Variants in PXT1 observed in about 807,000 individuals in gnomAD.
PXT1 encodes the protein peroxisomal testis enriched protein 1, also known as peroxisomal testis-specific protein 1.
Under a neutral mutation model 11.0 loss-of-function variants are expected in PXT1, and 11 were observed. That is an observed-to-expected ratio of 1.00 (90% CI 0.63 to 1.66). The LOEUF (loss-of-function observed/expected upper bound fraction) is 1.66. PXT1 is among the 40% of genes most tolerant of loss of function. The pLI is 0.00. For synonymous variants in PXT1, 43 were observed against 51.4 expected (o/e 0.84, Z 0.70); for missense variants, 141 against 155.5 (o/e 0.91, Z 0.49).
intron 2 of PXT1, among the ~76,000 whole-genome samples, chr6:36,436,966 TAC>T (rs1774773389): frequency 6.6e-6 from 1 of 152,150 alleles, no homozygotes; most frequent in Non-Finnish European, 1.5e-5. Flanking sequence ...GGTGCAATTG[TAC>T]AGTTACATTA....
rs546925776 is a variant in PXT1, at chr6:36,429,641, G to T, written c.-9-3550C>A. ...CTGCCTCAGCCTCCTGTGTAGCTGG[G>T]ATTACAGGTGCACACCACCATGCCT... On this transcript the variant is annotated intron_variant, in intron 2 of 4. Coordinates refer to ENST00000454782, the MANE Select transcript of PXT1 (RefSeq NM_152990.4). Among the ~76,000 whole-genome samples the T allele has an allele frequency of 1.1e-4, 16 of 150,400 alleles. No homozygotes were observed. In the East Asian group the frequency reaches 3.2e-3, roughly 30 times the overall value.
At chr6:36,424,739 A>G (rs1190276039) in intron 3 of PXT1, among the ~76,000 whole-genome samples, 2 of 146,200 alleles carry the variant, frequency 1.4e-5, no homozygotes, top group Non-Finnish European at 3.0e-5. Context: ...GGTGGCTCAC[A>G]CCTGTAATCC....
intron 4 of PXT1, among the ~76,000 whole-genome samples, chr6:36,400,197 G>C (rs528845279): frequency 9.1e-4 from 139 of 152,210 alleles, no homozygotes; most frequent in Non-Finnish European, 1.7e-3. Flanking sequence ...GTGTGGGCTG[G>C]AGTCTCAGAT....
chr6:36,409,430 G>A (rs1051105486), intron 3 of PXT1, among the ~76,000 whole-genome samples: 11 of 152,154 alleles, frequency 7.2e-5, no homozygotes, highest in Non-Finnish European at 1.0e-4. Context: ...CTGGGAGAGG[G>A]AGACGCACCC....
intron 2 of PXT1, among the ~76,000 whole-genome samples, chr6:36,430,082 C>T (rs1363801241): frequency 6.6e-6 from 1 of 151,974 alleles, no homozygotes; most frequent in Admixed American, 6.6e-5. Flanking sequence ...TGGCGCATGA[C>T]TGTAGTCCCA....
Position 36,400,470 on chromosome 6 carries a change from T to C in PXT1, c.284A>G (p.His95Arg). Residue 95 changes from histidine (H) to arginine (R), a missense_variant, in exon 4 of 5, where the codon CAT (histidine) becomes CGT (arginine). Physicochemically the swap from His to Arg is conservative, Grantham distance 29. Transcript: ENST00000454782. ...QLRHIGDNID[H>R]RMVREDLQQD... ...AAGCCTCACCTCTCGAACCATCCTA[T>C]GATCAATGTTGTCCCCAATGTGTCT... The C allele has an allele frequency of 6.2e-7, 1 of 1,613,848 alleles. No homozygotes were observed. Among genetic ancestry groups the C allele is most frequent in the Non-Finnish European group, 8.5e-7 (1 of 1,179,800 alleles).
rs1269431364 is a variant in PXT1 at position 36,438,787 on chromosome 6, C to T, written c.-30G>A. 1.3e-5 allele frequency: 2 copies of T among 152,198 alleles called. No individual in the cohort carries two copies. Among genetic ancestry groups the T allele is most frequent in the Non-Finnish European group, 2.9e-5 (2 of 68,040 alleles). 9.4% of individuals were successfully genotyped at this position (152,198 alleles called of 1,614,324 possible). A position where few individuals can be genotyped will look rare whatever the true frequency, so the allele number is the denominator to read the frequency against. ...CTTACTTTTCCAAGTATGTTGAGCC[C>T]TCTTTATTTTCTGTATTTTCATGCT... is the stretch of plus-strand genomic sequence containing the variant. On this transcript the variant is annotated 5_prime_UTR_variant, in exon 2 of 5. Transcript: ENST00000454782.
intron 2 of PXT1, among the ~76,000 whole-genome samples, chr6:36,432,968 A>G (rs1774713618): frequency 6.6e-6 from 1 of 152,220 alleles, no homozygotes; most frequent in Non-Finnish European, 1.5e-5. Flanking sequence ...AAAAAACCTG[A>G]CATATTGGTG....
intron 3 of PXT1, among the ~76,000 whole-genome samples, chr6:36,408,416 C>A (rs1290650401): frequency 6.6e-6 from 1 of 151,566 alleles, no homozygotes; most frequent in Non-Finnish European, 1.5e-5. Flanking sequence ...GCATGTACCA[C>A]CATGCCCAGC....
intron 3 of PXT1, among the ~76,000 whole-genome samples, chr6:36,404,356 T>C (rs1244471250): frequency 6.6e-6 from 1 of 152,166 alleles, no homozygotes; most frequent in Admixed American, 6.5e-5. Context: ...AGTGACATCA[T>C]CAACACATTA....
At chr6:36,435,114 A>C (rs140248607) in intron 2 of PXT1, among the ~76,000 whole-genome samples, 2 of 152,278 alleles carry the variant, frequency 1.3e-5, no homozygotes, top group African/African-American at 4.8e-5. Flanking sequence ...AAAAAGAAAA[A>C]TTAGCAAAAG....
chr6:36,419,282 T>C (rs943494937), intron 3 of PXT1, among the ~76,000 whole-genome samples: 1 of 152,210 alleles, frequency 6.6e-6, no homozygotes, highest in Non-Finnish European at 1.5e-5. Flanking sequence ...TTGTAACTAT[T>C]AGTTTAACAG....
chr6:36,422,674 G>T (rs1774539003), intron 3 of PXT1, among the ~76,000 whole-genome samples: 1 of 152,086 alleles, frequency 6.6e-6, no homozygotes, highest in South Asian at 2.1e-4. Context: ...TGTATATCTA[G>T]AGGAGGAAGG....
intron 3 of PXT1, among the ~76,000 whole-genome samples, chr6:36,408,520 A>AAGTACTGAG (rs1582254922): frequency 6.6e-6 from 1 of 151,770 alleles, no homozygotes; most frequent in East Asian, 1.9e-4. Context: ...TAGCCTCTCA[A>AAGTACTGAG]AGTACTGAGA....
At chr6:36,398,377 A>G (rs1012759023) in intron 4 of PXT1, among the ~76,000 whole-genome samples, 2 of 152,192 alleles carry the variant, frequency 1.3e-5, no homozygotes, top group Non-Finnish European at 2.9e-5. Flanking sequence ...ATTCCTAGGT[A>G]TGTACCCCAA....
intron 4 of PXT1, among the ~76,000 whole-genome samples, chr6:36,395,509 T>TTG (rs1554151116): frequency 1.5e-5 from 2 of 136,318 alleles, no homozygotes; most frequent in Admixed American, 1.5e-4. Context: ...TTTTTTTTTT[T>TTG]TTTTTTTTTT....
At chr6:36,422,021 T>G (rs1416073272) in intron 3 of PXT1, among the ~76,000 whole-genome samples, 1 of 152,222 alleles carries the variant, frequency 6.6e-6, no homozygotes, top group African/African-American at 2.4e-5. Flanking sequence ...TATCATATCC[T>G]ACGATTTGTT....
At chr6:36,402,143 T>C (rs1407861874) in intron 3 of PXT1, among the ~76,000 whole-genome samples, 4 of 152,122 alleles carry the variant, frequency 2.6e-5, no homozygotes, top group Admixed American at 2.6e-4. Context: ...CCCACTCTCC[T>C]TGATGAGCTC....
At chr6:36,396,747 C>A (rs550053304) in intron 4 of PXT1, among the ~76,000 whole-genome samples, 17 of 152,336 alleles carry the variant, frequency 1.1e-4, no homozygotes, top group Non-Finnish European at 2.4e-4. Context: ...CAGAGCAGGG[C>A]AGATGATGTC....
Sources: allele counts gnomAD v4.1 joint callset (sites outside exome capture counted in the v4.1 genomes callset), GRCh38; gene constraint gnomAD v4.1.1; transcripts MANE v1.5; gene names NCBI Gene and HGNC (gene_info 2026-07-23, HGNC 2026-07-21).